The following CNTN6 variants were observed in gnomAD, a reference collection of about 807,000 sequenced individuals.
The protein encoded by CNTN6 is contactin-6.
CNTN6 carries 137 observed loss-of-function variants against 122.8 expected under a neutral mutation model. The ratio of observed to expected loss-of-function variants is 1.12; its 90% CI spans 0.97 to 1.29. The LOEUF (loss-of-function observed/expected upper bound fraction) is 1.29, where lower values mean the gene tolerates loss of function less well. Among genes scored for constraint, CNTN6 ranks in the 50% most tolerant of loss-of-function variants. CNTN6 has a pLI of 0.00. For synonymous variants in CNTN6, 570 were observed against 426.0 expected (o/e 1.34, Z -4.16); for missense variants, 1,634 against 1,223.4 (o/e 1.34, Z -5.01).
At chr3:1,241,949 C>T (rs1181587453) in intron 4 of CNTN6, among the ~76,000 whole-genome samples, 2 of 152,192 alleles carry the variant, frequency 1.3e-5, no homozygotes, top group African/African-American at 2.4e-5. Flanking sequence ...GACAGAAAGG[C>T]TACAGGGTGT....
chr3:1,124,836 A>AT (rs2092101547), intron 1 of CNTN6, among the ~76,000 whole-genome samples: 1 of 151,840 alleles, frequency 6.6e-6, no homozygotes, highest in African/African-American at 2.4e-5. Flanking sequence ...CTTGTGCTGC[A>AT]TTTTTCCCAA....
chr3:1,147,821 GATA>G (rs565708471), intron 1 of CNTN6, 103 bp from the exon 2 acceptor site: 118 of 454,686 alleles, frequency 2.6e-4, no homozygotes, highest in African/African-American at 1.3e-3. Flanking sequence ...CTTTATTTTG[GATA>G]ATAATATTAA....
At chr3:1,344,715 A>AT (rs1704406895) in intron 11 of CNTN6, among the ~76,000 whole-genome samples, 1 of 152,160 alleles carries the variant, frequency 6.6e-6, no homozygotes, top group South Asian at 2.1e-4. Flanking sequence ...GAAAATAAAT[A>AT]TTTGTGTTCT....
chr3:1,384,792 T>G (rs370007523), intron 19 of CNTN6, among the ~76,000 whole-genome samples: 13 of 111,776 alleles, frequency 1.2e-4, no homozygotes, highest in Admixed American at 3.8e-4. Flanking sequence ...TATATATATA[T>G]ATATACACAC....
chr3:1,273,042 C>T (rs908778972), intron 4 of CNTN6, among the ~76,000 whole-genome samples: 1 of 152,140 alleles, frequency 6.6e-6, no homozygotes, highest in Non-Finnish European at 1.5e-5. Context: ...GCCTTTGGAA[C>T]AGAGCCTTAT....
intron 5 of CNTN6, 42 bp downstream of exon 5, chr3:1,278,550 T>G: frequency 1.4e-6 from 2 of 1,385,042 alleles, no homozygotes; most frequent in Non-Finnish European, 2.0e-6. Flanking sequence ...ATGCGGTCAC[T>G]TGGAGAGTGA....
chr3:1,352,054 T>A (rs1017259641), intron 11 of CNTN6, among the ~76,000 whole-genome samples: 2 of 151,974 alleles, frequency 1.3e-5, no homozygotes, highest in Non-Finnish European at 2.9e-5. Flanking sequence ...GCACTGCTTT[T>A]ATTTTTAATA....
chr3:1,253,244 C>A (rs538601075), intron 4 of CNTN6, among the ~76,000 whole-genome samples: 1 of 152,098 alleles, frequency 6.6e-6, no homozygotes, highest in African/African-American at 2.4e-5. Flanking sequence ...ATGTCCTTTA[C>A]CCTTGTGTTT....
chr3:1,171,760 C>A (rs181087426), intron 2 of CNTN6, among the ~76,000 whole-genome samples: 234 of 152,228 alleles, frequency 1.5e-3, no homozygotes, highest in African/African-American at 5.4e-3. Flanking sequence ...GTGCATGCCA[C>A]CATGCCTGGC....
At chr3:1,161,079 T>C (rs2093122345) in intron 2 of CNTN6, among the ~76,000 whole-genome samples, 1 of 152,026 alleles carries the variant, frequency 6.6e-6, no homozygotes, top group African/African-American at 2.4e-5. Context: ...AATTATGTCA[T>C]GTTATTATCT....
intron 1 of CNTN6, among the ~76,000 whole-genome samples, chr3:1,118,635 AT>A (rs2091824161): frequency 6.6e-6 from 1 of 152,166 alleles, no homozygotes; most frequent in African/African-American, 2.4e-5. Context: ...ATTAATAAAG[AT>A]TTATTTCCTA....
chr3:1,264,942 T>A (rs1229417120), intron 4 of CNTN6, among the ~76,000 whole-genome samples: 1 of 152,214 alleles, frequency 6.6e-6, no homozygotes, highest in African/African-American at 2.4e-5. Context: ...TGATTCCTTG[T>A]ATGAGTGAGA....
At chr3:1,379,242 C>T (rs1710314717) in intron 17 of CNTN6, among the ~76,000 whole-genome samples, 1 of 152,106 alleles carries the variant, frequency 6.6e-6, no homozygotes, top group South Asian at 2.1e-4. Context: ...GGCAAAGGTA[C>T]ACAAACCATG....
At chr3:1,285,554 C>T (rs1257653833) in intron 5 of CNTN6, among the ~76,000 whole-genome samples, 1 of 152,188 alleles carries the variant, frequency 6.6e-6, no homozygotes, top group Non-Finnish European at 1.5e-5. Flanking sequence ...TTACTATGTA[C>T]TAGGCACTAA....
chr3:1,380,224 G>A (rs977375209), intron 17 of CNTN6, among the ~76,000 whole-genome samples: 3 of 152,104 alleles, frequency 2.0e-5, no homozygotes, highest in Non-Finnish European at 2.9e-5. Flanking sequence ...CTGCCATTAC[G>A]TTTCATAAGT....
chr3:1,388,259 CCCCCGAG>C (rs1693446832), intron 20 of CNTN6, among the ~76,000 whole-genome samples: 3 of 149,028 alleles, frequency 2.0e-5, no homozygotes, highest in Admixed American at 6.8e-5. Context: ...TGACCCCTGA[CCCCCGAG>C]CAGCCTAACT....
chr3:1,240,476 C>T (rs975350884), intron 4 of CNTN6, among the ~76,000 whole-genome samples: 7 of 152,048 alleles, frequency 4.6e-5, no homozygotes, highest in East Asian at 1.9e-4. Flanking sequence ...CAATGCAATA[C>T]GACCTCCCTC....
intron 1 of CNTN6, among the ~76,000 whole-genome samples, chr3:1,098,023 G>T (rs1203511491): frequency 6.7e-6 from 1 of 149,760 alleles, no homozygotes; most frequent in African/African-American, 2.4e-5. Flanking sequence ...GATCCAACTA[G>T]ATTAAAAATA....
chr3:1,131,146 G>A (rs1039467351), intron 1 of CNTN6, among the ~76,000 whole-genome samples: 1 of 152,098 alleles, frequency 6.6e-6, no homozygotes, highest in African/African-American at 2.4e-5. Context: ...AGCAGGAGTT[G>A]ATGTCCTGGT....
Sources: allele counts gnomAD v4.1 joint callset (sites outside exome capture counted in the v4.1 genomes callset), GRCh38; gene constraint gnomAD v4.1.1; transcripts MANE v1.5; gene names NCBI Gene and HGNC (gene_info 2026-07-23, HGNC 2026-07-21).